TCERG1L: variants seen among roughly 807,000 people sequenced by gnomAD.
TCERG1L encodes the protein transcription elongation regulator 1 like, also known as transcription elongation regulator 1-like protein.
In TCERG1L, 37 loss-of-function variants were observed where a neutral mutation model predicts 56.3. The observed-to-expected ratio is 0.66, with a 90% confidence interval of 0.51 to 0.87. The LOEUF (loss-of-function observed/expected upper bound fraction) is 0.87. Ranked by LOEUF, TCERG1L falls within the 40% of genes least tolerant of loss-of-function variation. The pLI, the probability that TCERG1L is intolerant of heterozygous loss-of-function variation, is 0.00. For missense variants in TCERG1L, 799 were observed against 774.2 expected, an observed-to-expected ratio of 1.03 and a Z score of -0.38; for synonymous variants, 324 against 326.3, an observed-to-expected ratio of 0.99 and a Z score of 0.08.
chr10:131,196,691 T>C (rs1025653738), intron 4 of TCERG1L, among the ~76,000 whole-genome samples: 1 of 152,232 alleles, frequency 6.6e-6, no homozygotes, highest in Non-Finnish European at 1.5e-5. Flanking sequence ...CTCCGCTTTC[T>C]TGCTGCCTTA....
At chr10:131,225,789 T>A (rs903463087) in intron 4 of TCERG1L, among the ~76,000 whole-genome samples, 16 of 152,064 alleles carry the variant, frequency 1.1e-4, no homozygotes, top group African/African-American at 3.9e-4. Flanking sequence ...AGGTTTCCGA[T>A]AAACGCAAGT....
At position 131,285,457 on chromosome 10, in the gene TCERG1L, G is replaced by GAGAA. The variant is rs1177488189; in HGVS notation, c.670+22750_670+22753dup. On this transcript the variant is annotated intron_variant, in intron 3 of 11. Coordinates refer to ENST00000368642, the MANE Select transcript of TCERG1L (RefSeq NM_174937.4). ...AGAGAAAGAGAAACAAAGAAAGAGA[G>GAGAA]AGAAAGGGAAGAAAGAAAGAAAGAA... is the stretch of plus-strand genomic sequence containing the variant. Among the ~76,000 whole-genome samples the GAGAA allele has an allele frequency of 8.9e-3, 1,123 of 126,052 alleles. 7 individuals carry two copies. Among genetic ancestry groups the GAGAA allele is most frequent in the African/African-American group, 0.014 (409 of 29,950 alleles). 82.7% of individuals were successfully genotyped at this position (126,052 alleles called of 152,430 possible).
chr10:131,214,038 G>GCA (rs895606926), intron 4 of TCERG1L, among the ~76,000 whole-genome samples: 1 of 84,432 alleles, frequency 1.2e-5, no homozygotes, highest in Non-Finnish European at 2.7e-5. Flanking sequence ...TGTTACATAC[G>GCA]CACACACACA....
At chr10:131,124,324 T>C (rs4751322) in intron 8 of TCERG1L, among the ~76,000 whole-genome samples, 40,263 of 152,092 alleles carry the variant, frequency 0.26, 6,478 homozygotes, top group Non-Finnish European at 0.36. Flanking sequence ...TTCCAGGGTC[T>C]CTAGCCTTCC....
At chr10:131,256,992 G>GGAAGGAAGGAAGGAAGGAAGGAAAGGAA (rs1846173015) in intron 4 of TCERG1L, among the ~76,000 whole-genome samples, 58 of 59,214 alleles carry the variant, frequency 9.8e-4, no homozygotes, top group African/African-American at 2.3e-3. Flanking sequence ...AAGGAAGGAA[G>GGAAGGAAGGAAGGAAGGAAGGAAAGGAA]GAAAGAAAGA....
intron 4 of TCERG1L, among the ~76,000 whole-genome samples, chr10:131,226,632 C>G (rs1452217073): frequency 6.6e-6 from 1 of 152,234 alleles, no homozygotes; most frequent in African/African-American, 2.4e-5. Context: ...GTCGGTGGAG[C>G]AGCTGGCGTG....
At chr10:131,289,129 A>C (rs1172428421) in intron 3 of TCERG1L, among the ~76,000 whole-genome samples, 1 of 146,554 alleles carries the variant, frequency 6.8e-6, no homozygotes, top group Non-Finnish European at 1.5e-5. Context: ...TTGCTTCGCT[A>C]TAGTAAAAGT....
chr10:131,178,924 G>A (rs78059642), intron 4 of TCERG1L, among the ~76,000 whole-genome samples: 1,716 of 152,332 alleles, frequency 0.011, 35 homozygotes, highest in African/African-American at 0.039. Flanking sequence ...GCAGAGCCCC[G>A]CTCACTACTC....
intron 6 of TCERG1L, among the ~76,000 whole-genome samples, chr10:131,148,262 G>A (rs1845820565): frequency 6.6e-6 from 1 of 152,186 alleles, no homozygotes; most frequent in African/African-American, 2.4e-5. Flanking sequence ...AGATCAGTGA[G>A]GAAGAGATAG....
chr10:131,189,618 T>G (rs373274068), intron 4 of TCERG1L, among the ~76,000 whole-genome samples: 1 of 152,354 alleles, frequency 6.6e-6, no homozygotes, highest in South Asian at 2.1e-4. Context: ...TCTTTGTTAT[T>G]GTGAGTAGTG....
chr10:131,285,610 C>T (rs1846530703), intron 3 of TCERG1L, among the ~76,000 whole-genome samples: 1 of 151,988 alleles, frequency 6.6e-6, no homozygotes, highest in African/African-American at 2.4e-5. Flanking sequence ...GGCAGCTTCA[C>T]ACAAGAACGT....
chr10:131,229,254 C>T (rs995426159), intron 4 of TCERG1L, among the ~76,000 whole-genome samples: 1 of 152,264 alleles, frequency 6.6e-6, no homozygotes, highest in African/African-American at 2.4e-5. Flanking sequence ...AGTGGCTGTT[C>T]CAGCCCAGGC....
At chr10:131,242,050 T>C (rs1346469737) in intron 4 of TCERG1L, among the ~76,000 whole-genome samples, 1 of 152,208 alleles carries the variant, frequency 6.6e-6, no homozygotes, top group Non-Finnish European at 1.5e-5. Flanking sequence ...TCAATCAAGT[T>C]TGAAGGGCAA....
intron 4 of TCERG1L, among the ~76,000 whole-genome samples, chr10:131,242,444 CAG>C (rs1356248978): frequency 6.6e-6 from 1 of 152,062 alleles, no homozygotes; most frequent in African/African-American, 2.4e-5. Context: ...GGGCAAACGA[CAG>C]AGTGGCATGA....
At chr10:131,117,594 G>A (rs1286666876) in intron 8 of TCERG1L, among the ~76,000 whole-genome samples, 1 of 152,200 alleles carries the variant, frequency 6.6e-6, no homozygotes, top group Non-Finnish European at 1.5e-5. Flanking sequence ...GACACTGTGG[G>A]CAGCAGCAGG....
chr10:131,211,062 C>T (rs563776116), intron 4 of TCERG1L, among the ~76,000 whole-genome samples: 5 of 152,340 alleles, frequency 3.3e-5, no homozygotes, highest in East Asian at 3.9e-4. Flanking sequence ...ACCTTCTGAA[C>T]GTTTGTTCTC....
At chr10:131,261,491 T>C (rs968784129) in intron 3 of TCERG1L, among the ~76,000 whole-genome samples, 2 of 152,226 alleles carry the variant, frequency 1.3e-5, no homozygotes, top group Non-Finnish European at 2.9e-5. Flanking sequence ...GATGGTGCGC[T>C]GTGCACAGGA....
intron 4 of TCERG1L, among the ~76,000 whole-genome samples, chr10:131,237,818 G>C (rs751341352): frequency 6.6e-6 from 1 of 152,146 alleles, no homozygotes; most frequent in African/African-American, 2.4e-5. Flanking sequence ...CCTTGAACCC[G>C]GTAACACCTA....
chr10:131,204,660 C>T (rs1040389984), intron 4 of TCERG1L, among the ~76,000 whole-genome samples: 2 of 152,188 alleles, frequency 1.3e-5, no homozygotes, highest in Non-Finnish European at 2.9e-5. Flanking sequence ...GTCCAGTGTC[C>T]TTCCACTAGA....
Sources: gnomAD v4.1 joint callset for allele counts (sites outside exome capture counted in the v4.1 genomes callset) on GRCh38, gnomAD v4.1.1 for gene constraint, MANE v1.5 for transcripts, NCBI Gene and HGNC (gene_info 2026-07-23, HGNC 2026-07-21) for gene names.